Variants in ITPRID1 observed in about 807,000 individuals in gnomAD.
The protein encoded by ITPRID1 is ITPR interacting domain containing 1.
In ITPRID1, 96 loss-of-function variants were observed where a neutral mutation model predicts 95.4. The observed-to-expected ratio is 1.01, with a 90% CI of 0.85 to 1.19. ITPRID1 has a LOEUF of 1.19. ITPRID1 is among the 50% of genes most tolerant of loss of function. The pLI, the probability that ITPRID1 is intolerant of heterozygous loss-of-function variation, is 0.00. For missense variants in ITPRID1, 1,339 were observed against 1,252.9 expected, an observed-to-expected ratio of 1.07 and a Z score of -1.04; for synonymous variants, 510 against 453.6, an observed-to-expected ratio of 1.12 and a Z score of -1.58.
chr7:31,611,477 C>A (rs191915700), intron 10 of ITPRID1, among the ~76,000 whole-genome samples: 8 of 151,620 alleles, frequency 5.3e-5, no homozygotes, highest in African/African-American at 1.9e-4. Flanking sequence ...TTTTTCACTC[C>A]CACCTGAAGG....
intron 10 of ITPRID1, among the ~76,000 whole-genome samples, chr7:31,639,363 C>G (rs1289443553): frequency 6.6e-6 from 1 of 151,874 alleles, no homozygotes; most frequent in Non-Finnish European, 1.5e-5. Context: ...CTTCTGCAGT[C>G]TCTAATCTGC....
At chr7:31,641,622 C>A (rs1178162344) in intron 10 of ITPRID1, among the ~76,000 whole-genome samples, 1 of 152,262 alleles carries the variant, frequency 6.6e-6, no homozygotes, top group Middle Eastern at 3.4e-3. Flanking sequence ...AAGTCATAAC[C>A]TGCCCACACG....
At chr7:31,632,454 A>G (rs889600943) in intron 10 of ITPRID1, among the ~76,000 whole-genome samples, 6 of 152,140 alleles carry the variant, frequency 3.9e-5, no homozygotes, top group Admixed American at 3.9e-4. Flanking sequence ...CTCAAAAAAT[A>G]AATAAATAAA....
At chr7:31,593,810 A>G (rs1303570755) in intron 10 of ITPRID1, among the ~76,000 whole-genome samples, 1 of 152,214 alleles carries the variant, frequency 6.6e-6, no homozygotes, top group Non-Finnish European at 1.5e-5. Flanking sequence ...TGCCCACAAT[A>G]ATAATCTACT....
At chr7:31,572,558 GCAAA>G (rs765203465) in intron 7 of ITPRID1, among the ~76,000 whole-genome samples, 4 of 152,034 alleles carry the variant, frequency 2.6e-5, no homozygotes, top group Non-Finnish European at 5.9e-5. Context: ...TATACATAAA[GCAAA>G]CAAATGAAAA....
intron 5 of ITPRID1, 174 bp downstream of exon 5, chr7:31,555,075 T>A: frequency 1.7e-6 from 1 of 573,470 alleles, no homozygotes; most frequent in Non-Finnish European, 3.1e-6. Context: ...ACAAAAATGA[T>A]AGGTGCTTCC....
At chr7:31,548,639 A>G (rs983830192) in intron 1 of ITPRID1, among the ~76,000 whole-genome samples, 48 of 152,206 alleles carry the variant, frequency 3.2e-4, no homozygotes, top group African/African-American at 1.0e-3. Context: ...AGATGAAGTG[A>G]TGTTCACTGC....
chr7:31,573,132 G>A (rs771984617), intron 7 of ITPRID1, among the ~76,000 whole-genome samples: 3 of 152,122 alleles, frequency 2.0e-5, no homozygotes, highest in Non-Finnish European at 2.9e-5. Context: ...GCCATCTCCA[G>A]TTCACGTTAT....
chr7:31,627,447 C>G (rs1023530898), intron 10 of ITPRID1, among the ~76,000 whole-genome samples: 2 of 151,970 alleles, frequency 1.3e-5, no homozygotes, highest in South Asian at 4.1e-4. Context: ...CACTGACGCC[C>G]AGGAGTTCAA....
chr7:31,556,462 T>A (rs544814489), intron 5 of ITPRID1, among the ~76,000 whole-genome samples: 2 of 152,142 alleles, frequency 1.3e-5, no homozygotes, highest in Admixed American at 1.3e-4. Context: ...AGTGCCATGA[T>A]TGTTGGTCAC....
chr7:31,656,554 A>G (rs1791315485), downstream of ITPRID1: 1 of 852,644 alleles, frequency 1.2e-6, no homozygotes, highest in African/African-American at 1.8e-5. Context: ...TACTTTATGC[A>G]CACAGAATAT....
intron 10 of ITPRID1, among the ~76,000 whole-genome samples, chr7:31,629,771 C>G (rs1195243735): frequency 6.6e-6 from 1 of 152,180 alleles, no homozygotes; most frequent in Middle Eastern, 3.4e-3. Flanking sequence ...GTGTGCCTTT[C>G]AAGTTGTCAT....
At chr7:31,561,964 A>G (rs1185547003) in intron 5 of ITPRID1, among the ~76,000 whole-genome samples, 1 of 148,502 alleles carries the variant, frequency 6.7e-6, no homozygotes, top group African/African-American at 2.5e-5. Context: ...TAAAGAGCCC[A>G]TGGTCATGGA....
intron 10 of ITPRID1, among the ~76,000 whole-genome samples, chr7:31,613,221 G>A (rs1284921375): frequency 6.6e-6 from 1 of 152,136 alleles, no homozygotes; most frequent in Non-Finnish European, 1.5e-5. Context: ...TGGGGAGAGG[G>A]TAATGGAAAT....
At chr7:31,521,129 A>G (rs902258133) in intron 1 of ITPRID1, among the ~76,000 whole-genome samples, 1 of 151,786 alleles carries the variant, frequency 6.6e-6, no homozygotes, top group Admixed American at 6.6e-5. Context: ...CTGTAGACTT[A>G]CATTGCTCTT....
intron 5 of ITPRID1, among the ~76,000 whole-genome samples, chr7:31,561,520 C>G (rs572388559): frequency 6.6e-5 from 10 of 152,194 alleles, no homozygotes; most frequent in East Asian, 1.9e-4. Flanking sequence ...ATGACAGATG[C>G]CTTCCTGTGC....
intron 5 of ITPRID1, among the ~76,000 whole-genome samples, chr7:31,557,287 T>C (rs1187178443): frequency 6.6e-6 from 1 of 152,114 alleles, no homozygotes; most frequent in African/African-American, 2.4e-5. Flanking sequence ...TACACTAAGG[T>C]AGCAGCAAGA....
intron 1 of ITPRID1, among the ~76,000 whole-genome samples, chr7:31,522,692 G>C (rs1267102356): frequency 1.3e-5 from 2 of 152,162 alleles, no homozygotes; most frequent in Non-Finnish European, 2.9e-5. Context: ...TTTTCATGAT[G>C]CTAGGCATTA....
At chr7:31,618,685 A>G (rs985022553) in intron 10 of ITPRID1, among the ~76,000 whole-genome samples, 1 of 152,148 alleles carries the variant, frequency 6.6e-6, no homozygotes, top group Non-Finnish European at 1.5e-5. Flanking sequence ...GGGCTTACCA[A>G]TAATTATTTT....
Sources: allele counts gnomAD v4.1 joint callset (sites outside exome capture counted in the v4.1 genomes callset), GRCh38; gene constraint gnomAD v4.1.1; transcripts MANE v1.5; gene names NCBI Gene and HGNC (gene_info 2026-07-23, HGNC 2026-07-21).